The following CEP85L variants were observed in gnomAD, a reference collection of about 807,000 sequenced individuals.
CEP85L encodes centrosomal protein of 85 kDa-like.
Under a neutral mutation model 100.3 loss-of-function variants are expected in CEP85L, and 60 were observed. The observed-to-expected ratio is 0.60, with a 90% CI of 0.49 to 0.74. The LOEUF (loss-of-function observed/expected upper bound fraction) is 0.74. Ranked by LOEUF, CEP85L falls within the 30% of genes least tolerant of loss-of-function variation. The pLI, the probability that CEP85L is intolerant of heterozygous loss-of-function variation, is 0.00. For missense variants in CEP85L, 973 were observed against 936.2 expected, an observed-to-expected ratio of 1.04 and a Z score of -0.51; for synonymous variants, 319 against 322.7, an observed-to-expected ratio of 0.99 and a Z score of 0.12.
At chr6:118,551,541 A>G (rs1311118434) in intron 3 of CEP85L, among the ~76,000 whole-genome samples, 1 of 152,008 alleles carries the variant, frequency 6.6e-6, no homozygotes, top group African/African-American at 2.4e-5. Context: ...TTAAAAAACA[A>G]TAATGAAGGC....
At position 118,532,071 on chromosome 6, in the gene CEP85L, C is replaced by T. The variant is rs1777325912; in HGVS notation, c.1021-8151G>A. 3.3e-5 allele frequency among the ~76,000 whole-genome samples: 5 copies of T among 152,228 alleles called. No homozygotes were observed. In the South Asian group the frequency reaches 1.0e-3, roughly 32 times the overall value. On this transcript the variant is annotated intron_variant, in intron 3 of 12. Transcript: ENST00000368491. ...ACAACATGTTCATCGCAGCACTATT[C>T]ACAATAGCAAAGATATGGAATCAAC...
intron 2 of CEP85L, among the ~76,000 whole-genome samples, chr6:118,587,615 C>T (rs150904873): frequency 9.1e-4 from 139 of 152,242 alleles, no homozygotes; most frequent in African/African-American, 3.1e-3. Context: ...AACTCCCCCC[C>T]ACCCATGGAA....
rs1777078496 is a variant in CEP85L, at chr6:118,528,108, C to A, written c.1021-4188G>T. ...AAGTACCTAGGCAACAGATGATGAT[C>A]TTCTCAAGAAGACATTAACACTATT... On this transcript the variant is annotated intron_variant, in intron 3 of 12. Coordinates refer to ENST00000368491, the MANE Select transcript of CEP85L (RefSeq NM_001042475.3). Among the ~76,000 whole-genome samples the A allele has an allele frequency of 2.0e-5, 3 of 152,080 alleles. No individual in the cohort carries two copies. In the South Asian group the frequency reaches 6.2e-4, roughly 31 times the overall value.
intron 1 of CEP85L, among the ~76,000 whole-genome samples, chr6:118,689,422 T>G (rs188823735): frequency 4.3e-4 from 65 of 152,330 alleles, no homozygotes; most frequent in African/African-American, 1.6e-3. Flanking sequence ...TCATTTCAAG[T>G]GTTTTGTGAG....
chr6:118,562,913 G>A (rs1169359809), intron 3 of CEP85L, among the ~76,000 whole-genome samples: 5 of 152,262 alleles, frequency 3.3e-5, no homozygotes, highest in African/African-American at 9.6e-5. Flanking sequence ...CTGCCGTTAC[G>A]TGTAGAAGTG....
intron 1 of CEP85L, among the ~76,000 whole-genome samples, chr6:118,687,892 G>T (rs987112545): frequency 6.6e-6 from 1 of 152,140 alleles, no homozygotes; most frequent in Non-Finnish European, 1.5e-5. Flanking sequence ...GTTCCTGCAC[G>T]GCTGAGTGCG....
chr6:118,488,925 G>A (rs1269308433), intron 6 of CEP85L, among the ~76,000 whole-genome samples: 1 of 152,162 alleles, frequency 6.6e-6, no homozygotes, highest in Non-Finnish European at 1.5e-5. Context: ...AATGGGGAAT[G>A]GGGGTAATTG....
chr6:118,467,942 C>G (rs1468369262), intron 12 of CEP85L, among the ~76,000 whole-genome samples: 1 of 152,138 alleles, frequency 6.6e-6, no homozygotes, highest in Non-Finnish European at 1.5e-5. Flanking sequence ...ACTATAGCAC[C>G]TATCAGAATG....
chr6:118,566,310 G>A lies in CEP85L; in HGVS notation c.239C>T (p.Ser80Leu). The part of the protein sequence containing the change: ...TSCSDSVEDH[S>L]TSSGTLSFKP... ...AAAAGATAATGTGCCACTTGAAGTT[G>A]AATGATCTGGAAAGAAAAAAGATGG... Residue 80 changes from serine (S) to leucine (L), a missense_variant, in exon 3 of 13, where the codon TCA becomes TTA. Ser to Leu is a moderately radical substitution (Grantham distance 145, BLOSUM62 -2). This residue lies in a region of CEP85L where 890 missense variants were observed against 844.5 expected (regional missense o/e 1.05). Transcript: ENST00000368491. 1.2e-6 allele frequency: 2 copies of A among 1,606,986 alleles called. No individual in the cohort carries two copies. Among genetic ancestry groups the A allele is most frequent in the Non-Finnish European group, 1.7e-6 (2 of 1,177,294 alleles).
intron 1 of CEP85L, among the ~76,000 whole-genome samples, chr6:118,682,771 G>GCACACACACA (rs201043236): frequency 3.5e-4 from 48 of 138,260 alleles, no homozygotes; most frequent in African/African-American, 1.2e-3. Context: ...GCCTGAGCAT[G>GCACACACACA]CACACACACA....
chr6:118,610,656 G>T (rs1231309259), intron 2 of CEP85L, among the ~76,000 whole-genome samples: 1 of 152,044 alleles, frequency 6.6e-6, no homozygotes, highest in East Asian at 1.9e-4. Flanking sequence ...TGGCAATAAG[G>T]AGACAGTGCC....
intron 2 of CEP85L, among the ~76,000 whole-genome samples, chr6:118,572,372 C>T (rs56689315): frequency 0.011 from 1,685 of 149,440 alleles, 42 homozygotes; most frequent in African/African-American, 0.039. Flanking sequence ...TGGCCAACAT[C>T]GTGAAACCCC....
intron 2 of CEP85L, among the ~76,000 whole-genome samples, chr6:118,585,934 A>G (rs757296952): frequency 4.3e-4 from 66 of 152,342 alleles, no homozygotes; most frequent in Non-Finnish European, 8.5e-4. Context: ...CTAACTGGGT[A>G]GAAGCATTTC....
intron 2 of CEP85L, among the ~76,000 whole-genome samples, chr6:118,622,847 G>T (rs143768654): frequency 1.3e-5 from 2 of 152,210 alleles, no homozygotes; most frequent in African/African-American, 4.8e-5. Context: ...GGAAACTGCC[G>T]AGGAGATGCT....
intron 1 of CEP85L, among the ~76,000 whole-genome samples, chr6:118,708,904 T>TA: frequency 6.6e-6 from 1 of 152,184 alleles, no homozygotes; most frequent in Non-Finnish European, 1.5e-5. Context: ...CATCAGCTCT[T>TA]AAATCATGAA....
At chr6:118,500,687 C>T (rs1326844998) in intron 5 of CEP85L, among the ~76,000 whole-genome samples, 4 of 152,186 alleles carry the variant, frequency 2.6e-5, no homozygotes, top group Non-Finnish European at 4.4e-5. Context: ...TTTGTTCAGT[C>T]TCCCAAGGTC....
At chr6:118,508,385 C>G (rs2057218757) in intron 5 of CEP85L, among the ~76,000 whole-genome samples, 1 of 152,070 alleles carries the variant, frequency 6.6e-6, no homozygotes, top group South Asian at 2.1e-4. Flanking sequence ...AGACCTCTTT[C>G]TTCTCCAATT....
intron 1 of CEP85L, among the ~76,000 whole-genome samples, chr6:118,640,733 T>C (rs1012364298): frequency 1.3e-5 from 2 of 152,186 alleles, no homozygotes; most frequent in African/African-American, 2.4e-5. Context: ...TTTCGCCATG[T>C]TGGCCAGGCT....
intron 2 of CEP85L, among the ~76,000 whole-genome samples, chr6:118,621,227 G>A (rs2115275998): frequency 6.6e-6 from 1 of 152,126 alleles, no homozygotes; most frequent in East Asian, 1.9e-4. Flanking sequence ...AAACCAAATG[G>A]TCAGTGGAGA....
Sources: allele counts gnomAD v4.1 joint callset (sites outside exome capture counted in the v4.1 genomes callset), GRCh38; gene constraint gnomAD v4.1.1; regional missense constraint gnomAD v4.1.1; transcripts MANE v1.5; gene names NCBI Gene and HGNC (gene_info 2026-07-23, HGNC 2026-07-21).